The following ADAMTS18 variants were observed in gnomAD, a reference collection of about 807,000 sequenced individuals.
ADAMTS18 encodes ADAM metallopeptidase with thrombospondin type 1 motif 18, also known as A disintegrin and metalloproteinase with thrombospondin motifs 18.
A neutral mutation model predicts 165.9 loss-of-function variants in ADAMTS18; 157 were observed. The observed-to-expected ratio is 0.95, with a 90% CI of 0.83 to 1.08. ADAMTS18 has a LOEUF of 1.08. Ranked by LOEUF, ADAMTS18 falls within the 50% of genes least tolerant of loss-of-function variation. The pLI is 0.00. For missense variants in ADAMTS18, 2,040 were observed against 1,534.0 expected (o/e 1.33, Z -5.51); for synonymous variants, 782 against 578.2 (o/e 1.35, Z -5.06).
At chr16:77,355,913 A>G (rs1409587537) in intron 9 of ADAMTS18, 27 bp downstream of exon 9, 4 of 1,613,682 alleles carry the variant, frequency 2.5e-6, no homozygotes, top group Non-Finnish European at 3.4e-6. Flanking sequence ...CAAACCTAGG[A>G]GCACCCCAGG....
At chr16:77,367,847 T>C in intron 3 of ADAMTS18, 124 bp from the exon 4 acceptor site, 3 of 1,080,716 alleles carry the variant, frequency 2.8e-6, no homozygotes, top group Non-Finnish European at 4.2e-6. Flanking sequence ...GCTTCACACA[T>C]ATTGCCTCAT....
intron 10 of ADAMTS18, among the ~76,000 whole-genome samples, chr16:77,344,853 C>A (rs534549782): frequency 1.3e-5 from 2 of 152,228 alleles, no homozygotes; most frequent in Admixed American, 1.3e-4. Context: ...CAACTACATA[C>A]TCTGACGACC....
chr16:77,395,846 G>T (rs544798004), intron 3 of ADAMTS18, among the ~76,000 whole-genome samples: 1 of 152,104 alleles, frequency 6.6e-6, no homozygotes, highest in Non-Finnish European at 1.5e-5. Context: ...TAGGTCTAGA[G>T]AAATGTGGTG....
At chr16:77,322,540 T>C in intron 13 of ADAMTS18, 74 bp from the exon 14 acceptor site, 2 of 1,549,664 alleles carry the variant, frequency 1.3e-6, no homozygotes, top group Non-Finnish European at 1.8e-6. Context: ...GTCAAAAGAA[T>C]GAATTAAATT....
intron 3 of ADAMTS18, among the ~76,000 whole-genome samples, chr16:77,379,958 G>A (rs1216949650): frequency 6.6e-6 from 1 of 152,158 alleles, no homozygotes; most frequent in African/African-American, 2.4e-5. Flanking sequence ...TCCAATCTTG[G>A]CATGCAGTGT....
chr16:77,291,524 ACAT>A (rs1390129904), intron 20 of ADAMTS18, 46 bp from the exon 21 acceptor site: 9 of 1,585,812 alleles, frequency 5.7e-6, no homozygotes, highest in African/African-American at 1.3e-5. Context: ...TGCCAGGATC[ACAT>A]CTTCTGGACA....
intron 3 of ADAMTS18, among the ~76,000 whole-genome samples, chr16:77,418,106 T>C (rs80282284): frequency 6.6e-4 from 100 of 152,318 alleles, no homozygotes; most frequent in Non-Finnish European, 1.3e-3. Flanking sequence ...TGGGTTGTCA[T>C]GCTGTGAAAT....
intron 16 of ADAMTS18, among the ~76,000 whole-genome samples, chr16:77,315,934 T>G (rs569372014): frequency 2.7e-4 from 41 of 152,298 alleles, no homozygotes; most frequent in Admixed American, 2.7e-3. Context: ...TAAAATGGAA[T>G]TTTTCCCCAT....
At chr16:77,400,455 T>TGA (rs1491108288) in intron 3 of ADAMTS18, among the ~76,000 whole-genome samples, 1 of 59,784 alleles carries the variant, frequency 1.7e-5, no homozygotes, top group Non-Finnish European at 4.1e-5. Context: ...TGTGTGTGTG[T>TGA]CTGTGTGTGT....
intron 2 of ADAMTS18, among the ~76,000 whole-genome samples, chr16:77,432,730 TC>T (rs1303459661): frequency 3.3e-5 from 5 of 151,642 alleles, no homozygotes; most frequent in African/African-American, 1.2e-4. Context: ...GAGAAATTTC[TC>T]TTTTCCCTAA....
intron 14 of ADAMTS18, among the ~76,000 whole-genome samples, chr16:77,321,689 G>A (rs185210573): frequency 1.3e-5 from 2 of 152,074 alleles, no homozygotes; most frequent in Non-Finnish European, 2.9e-5. Flanking sequence ...ATATAGTAAA[G>A]GTACTTAGTA....
chr16:77,418,984 A>C (rs2057565829), intron 3 of ADAMTS18, among the ~76,000 whole-genome samples: 1 of 152,112 alleles, frequency 6.6e-6, no homozygotes, highest in Non-Finnish European at 1.5e-5. Flanking sequence ...CACCGTCTCT[A>C]CTAAAAATAC....
intron 3 of ADAMTS18, among the ~76,000 whole-genome samples, chr16:77,417,515 G>C (rs1043181894): frequency 2.0e-5 from 3 of 152,228 alleles, no homozygotes; most frequent in African/African-American, 7.2e-5. Flanking sequence ...ATTCAACGAA[G>C]GGACGGCAGA....
chr16:77,338,436 C>T (rs1199657450), intron 11 of ADAMTS18, among the ~76,000 whole-genome samples: 2 of 151,732 alleles, frequency 1.3e-5, no homozygotes, highest in Non-Finnish European at 2.9e-5. Flanking sequence ...GGAATTTCAC[C>T]ATGTTGACCA....
intron 16 of ADAMTS18, among the ~76,000 whole-genome samples, chr16:77,303,177 A>G (rs1410308998): frequency 6.6e-6 from 1 of 152,068 alleles, no homozygotes; most frequent in Admixed American, 6.5e-5. Flanking sequence ...GGATGTGACC[A>G]CCGTAGTTGC....
At chr16:77,381,808 AT>A (rs2057035099) in intron 3 of ADAMTS18, among the ~76,000 whole-genome samples, 1 of 152,168 alleles carries the variant, frequency 6.6e-6, no homozygotes, top group Non-Finnish European at 1.5e-5. Context: ...TCTCAAAAAA[AT>A]AAATAATAAA....
At chr16:77,394,111 A>T (rs2057226020) in intron 3 of ADAMTS18, among the ~76,000 whole-genome samples, 1 of 152,240 alleles carries the variant, frequency 6.6e-6, no homozygotes, top group Non-Finnish European at 1.5e-5. Flanking sequence ...GGAATCCATT[A>T]AACTTGATAT....
intron 3 of ADAMTS18, among the ~76,000 whole-genome samples, chr16:77,400,424 TTGTGTGTGTGTGTG>T (rs145473637): frequency 1.4e-4 from 19 of 136,084 alleles, no homozygotes; most frequent in African/African-American, 4.9e-4. Context: ...TCAGGGGGAA[TTGTGTGTGTGTGTG>T]TGTGTGTGTG....
chr16:77,366,454 A>T (rs2144741943), intron 4 of ADAMTS18, among the ~76,000 whole-genome samples: 3 of 152,310 alleles, frequency 2.0e-5, no homozygotes, highest in Middle Eastern at 6.8e-3. Flanking sequence ...CCTAGTAGGG[A>T]GTCTGAGGCA....
Sources: gnomAD v4.1 joint callset for allele counts (sites outside exome capture counted in the v4.1 genomes callset) on GRCh38, gnomAD v4.1.1 for gene constraint, MANE v1.5 for transcripts, NCBI Gene and HGNC (gene_info 2026-07-23, HGNC 2026-07-21) for gene names.